SLC39A11: variants seen among roughly 807,000 people sequenced by gnomAD.
The protein encoded by SLC39A11 is solute carrier family 39 member 11.
A neutral mutation model predicts 36.1 loss-of-function variants in SLC39A11; 33 were observed. The observed-to-expected ratio is 0.91, with a 90% CI of 0.69 to 1.22. The LOEUF (loss-of-function observed/expected upper bound fraction) is 1.22, where lower values mean the gene tolerates loss of function less well. Among genes scored for constraint, SLC39A11 ranks in the 50% most tolerant of loss-of-function variants. The pLI is 0.00. For missense variants in SLC39A11, 432 were observed against 430.3 expected (o/e 1.00, Z -0.03); for synonymous variants, 166 against 170.3 (o/e 0.97, Z 0.20).
At chr17:73,044,546 A>G (rs1420007732) in intron 3 of SLC39A11, among the ~76,000 whole-genome samples, 1 of 152,176 alleles carries the variant, frequency 6.6e-6, no homozygotes, top group Non-Finnish European at 1.5e-5. Context: ...AGCCTGACTT[A>G]GGGACTAGGA....
At chr17:72,698,884 G>T (rs561502697) in intron 7 of SLC39A11, among the ~76,000 whole-genome samples, 154 of 152,264 alleles carry the variant, frequency 1.0e-3, no homozygotes, top group Non-Finnish European at 1.8e-3. Flanking sequence ...AGGCTGGAGT[G>T]CAGTGGCGTG....
chr17:72,916,573 T>A (rs913880210), intron 5 of SLC39A11, among the ~76,000 whole-genome samples: 11 of 152,128 alleles, frequency 7.2e-5, no homozygotes, highest in African/African-American at 2.2e-4. Context: ...CAGGCCTACA[T>A]CCTCCTTCTG....
At chr17:73,087,390 T>G (rs987081836) in intron 2 of SLC39A11, among the ~76,000 whole-genome samples, 10 of 152,190 alleles carry the variant, frequency 6.6e-5, no homozygotes, top group African/African-American at 2.4e-4. Context: ...GGTGTTTTCA[T>G]TTCCAGATCT....
chr17:72,683,273 A>G lies in SLC39A11; in HGVS notation c.672-34005T>C, dbSNP rs190730339. 1.5e-3 allele frequency among the ~76,000 whole-genome samples: 235 copies of G among 152,282 alleles called. 1 individual carries two copies. The highest frequency in any genetic ancestry group is 1.5e-3 in the Non-Finnish European group (100 of 68,034). ...AAGTATACACCCCCATGGAAGAAGGAAGAAATAGATCCAATGTCATGATTT... is the reference window on the plus strand; with the variant it reads ...AAGTATACACCCCCATGGAAGAAGGGAGAAATAGATCCAATGTCATGATTT... On this transcript the variant is annotated intron_variant, in intron 7 of 9. Coordinates refer to ENST00000255559, the MANE Select transcript of SLC39A11 (RefSeq NM_139177.4).
chr17:72,691,386 C>T (rs2072019764), intron 7 of SLC39A11, among the ~76,000 whole-genome samples: 1 of 151,834 alleles, frequency 6.6e-6, no homozygotes, highest in South Asian at 2.1e-4. Flanking sequence ...AGATCTATTT[C>T]ATGTATATAA....
intron 7 of SLC39A11, among the ~76,000 whole-genome samples, chr17:72,657,191 C>T (rs1359472299): frequency 1.3e-5 from 2 of 151,962 alleles, no homozygotes; most frequent in African/African-American, 4.8e-5. Flanking sequence ...GAAACTCCGT[C>T]TTTACTAAAA....
rs1392323689 is a variant in SLC39A11 at position 73,026,190 on chromosome 17, AGAAGAGAAGG to A, written c.306+5356_306+5365del. Among the ~76,000 whole-genome samples, 80 of 145,742 alleles carry A rather than the reference AGAAGAGAAGG, an allele frequency of 5.5e-4. 3 individuals are homozygous for A. Among genetic ancestry groups the A allele is most frequent in the South Asian group, 1.4e-3 (6 of 4,254 alleles). ...AGAGAGGAGAGGAGAAAGAGAAGAG[AGAAGAGAAGG>A]GAAGAGAAGAGAAGAGAAGAGAAGA... On this transcript the variant is annotated intron_variant, in intron 4 of 9. Coordinates refer to ENST00000255559, the MANE Select transcript of SLC39A11 (RefSeq NM_139177.4).
intron 3 of SLC39A11, among the ~76,000 whole-genome samples, chr17:73,052,242 C>T (rs933893016): frequency 7.3e-5 from 11 of 150,600 alleles, no homozygotes; most frequent in African/African-American, 2.7e-4. Context: ...ACATTTATAA[C>T]AAGAAAAACC....
At chr17:73,079,356 C>T (rs1238115444) in intron 3 of SLC39A11, among the ~76,000 whole-genome samples, 1 of 152,126 alleles carries the variant, frequency 6.6e-6, no homozygotes, top group Non-Finnish European at 1.5e-5. Context: ...CTCAGCCTCC[C>T]AAAGTGCTGG....
intron 5 of SLC39A11, among the ~76,000 whole-genome samples, chr17:72,923,897 C>A (rs1181841986): frequency 5.3e-5 from 8 of 152,080 alleles, no homozygotes; most frequent in Non-Finnish European, 8.8e-5. Flanking sequence ...ATAATCCCAA[C>A]ACTCTGGGAG....
chr17:73,044,314 A>G (rs1460469901), intron 3 of SLC39A11, among the ~76,000 whole-genome samples: 1 of 152,246 alleles, frequency 6.6e-6, no homozygotes, highest in Admixed American at 6.5e-5. Flanking sequence ...CAACAGGAGA[A>G]TGAATAAACA....
At chr17:72,794,388 G>T (rs1244634216) in intron 6 of SLC39A11, among the ~76,000 whole-genome samples, 1 of 152,082 alleles carries the variant, frequency 6.6e-6, no homozygotes, top group Non-Finnish European at 1.5e-5. Flanking sequence ...CAATCCTTCT[G>T]TTGGGTCCCA....
At position 72,818,098 on chromosome 17, in the gene SLC39A11, C is replaced by T. The variant is rs147980020; in HGVS notation, c.601+31536G>A. 5.5e-4 allele frequency among the ~76,000 whole-genome samples: 84 copies of T among 152,274 alleles called. No homozygotes were observed. In the East Asian group the frequency reaches 0.016, roughly 29 times the overall value. On this transcript the variant is annotated intron_variant, in intron 6 of 9. Transcript: ENST00000255559. ...GTCTCCCACCAAGTCCTTCCCACGA[C>T]ACATGAGGATTATGGGAACTACAAT...
intron 6 of SLC39A11, among the ~76,000 whole-genome samples, chr17:72,800,801 T>C (rs374180913): frequency 1.3e-5 from 2 of 152,028 alleles, no homozygotes; most frequent in South Asian, 2.1e-4. Context: ...AAAACAGAGT[T>C]TGGGGAAGGG....
chr17:72,730,865 T>C lies in SLC39A11; in HGVS notation c.671+5785A>G, dbSNP rs567779120. 1.8e-4 allele frequency among the ~76,000 whole-genome samples: 28 copies of C among 152,208 alleles called. 1 individual carries two copies. The South Asian group carries it at 4.2e-3, about 23-fold the overall frequency. On this transcript the variant is annotated intron_variant, in intron 7 of 9. Coordinates refer to ENST00000255559, the MANE Select transcript of SLC39A11 (RefSeq NM_139177.4). ...TTATAGAGATGGGGTCTCCCATCTT[T>C]ATACTCAGCCGAGCAATAGGAACTA...
At position 73,004,244 on chromosome 17, in the gene SLC39A11, G is replaced by GAA. The variant is rs1461670516; in HGVS notation, c.306+27311_306+27312insTT. 1.4e-4 allele frequency among the ~76,000 whole-genome samples: 21 copies of GAA among 146,660 alleles called. 1 individual carries two copies. Among genetic ancestry groups the GAA allele is most frequent in the Non-Finnish European group, 2.0e-4 (13 of 65,814 alleles). Reference sequence around the variant, plus strand: ...GAAAGAAAGAAAGAAAAGAAAGAAAGAGAAAAAGCAAGCAAGCCACAGACT... The same window carrying GAA: ...GAAAGAAAGAAAGAAAAGAAAGAAAGAAAGAAAAAGCAAGCAAGCCACAGACT... On this transcript the variant is annotated intron_variant, in intron 4 of 9. Coordinates refer to ENST00000255559, the MANE Select transcript of SLC39A11 (RefSeq NM_139177.4).
intron 7 of SLC39A11, among the ~76,000 whole-genome samples, chr17:72,653,050 A>T (rs1290865682): frequency 6.6e-6 from 1 of 151,266 alleles, no homozygotes; most frequent in African/African-American, 2.4e-5. Flanking sequence ...GCTGGAAGGG[A>T]GTAGGGGGCA....
At chr17:72,733,271 AGTTT>A (rs528512969) in intron 7 of SLC39A11, among the ~76,000 whole-genome samples, 2 of 152,106 alleles carry the variant, frequency 1.3e-5, no homozygotes, top group African/African-American at 4.8e-5. Flanking sequence ...CATGTTTACT[AGTTT>A]GTTTGTTTGT....
intron 5 of SLC39A11, among the ~76,000 whole-genome samples, chr17:72,927,165 G>A (rs545343322): frequency 2.6e-5 from 4 of 152,248 alleles, no homozygotes; most frequent in African/African-American, 9.6e-5. Flanking sequence ...TCCTGCCTCA[G>A]CCTCCCGAGT....
Sources: gnomAD v4.1 joint callset for allele counts (sites outside exome capture counted in the v4.1 genomes callset) on GRCh38, gnomAD v4.1.1 for gene constraint, MANE v1.5 for transcripts, NCBI Gene and HGNC (gene_info 2026-07-23, HGNC 2026-07-21) for gene names.